The following GCNT2 variants were observed in gnomAD, a reference collection of about 807,000 sequenced individuals.
GCNT2 encodes glucosaminyl (N-acetyl) transferase 2 (I blood group).
A neutral mutation model predicts 34.2 loss-of-function variants in GCNT2; 34 were observed. The ratio of observed to expected loss-of-function variants is 1.00; its 90% confidence interval spans 0.76 to 1.32. The LOEUF is 1.32. GCNT2 is among the 40% of genes most tolerant of loss of function. GCNT2 has a pLI of 0.00. For missense variants in GCNT2, 584 were observed against 489.4 expected (o/e 1.19, Z -1.82); for synonymous variants, 212 against 188.0 (o/e 1.13, Z -1.04).
At chr6:10,549,561 C>CTTTTTTTTTTTT (rs1425642393) in intron 3 of GCNT2, among the ~76,000 whole-genome samples, 4 of 111,298 alleles carry the variant, frequency 3.6e-5, no homozygotes, top group African/African-American at 1.7e-4. Context: ...CAATCTCTCT[C>CTTTTTTTTTTTT]TCTTTTTTTT....
intron 3 of GCNT2, among the ~76,000 whole-genome samples, chr6:10,549,867 T>A (rs1762414497): frequency 6.6e-6 from 1 of 152,150 alleles, no homozygotes; most frequent in Non-Finnish European, 1.5e-5. Flanking sequence ...GAGATGGTGT[T>A]TGGGAGATGA....
chr6:10,629,196 G>A lies in GCNT2; in HGVS notation c.*2589G>A, dbSNP rs1482426397. ...TGGAATTGATGTTTACATGTCTGTT[G>A]TTGGTCATCTCTCCTGTGTCTTAAA... On this transcript the variant is annotated 3_prime_UTR_variant, in exon 5 of 5. Coordinates refer to ENST00000495262, the MANE Select transcript of GCNT2 (RefSeq NM_145649.5). 1 of 152,610 alleles carries A rather than the reference G, an allele frequency of 6.6e-6. No homozygotes were observed. Among genetic ancestry groups the A allele is most frequent in the Admixed American group, 6.5e-5 (1 of 15,272 alleles). 9.5% of individuals were successfully genotyped at this position (152,610 alleles called of 1,614,324 possible).
At chr6:10,556,085 A>G (rs749677628) in intron 3 of GCNT2, 2 of 1,203,128 alleles carry the variant, frequency 1.7e-6, no homozygotes, top group African/African-American at 3.1e-5. Context: ...ATGGGAAACT[A>G]AATCTGCCGG....
At chr6:10,529,887 A>G (rs1347873927) in intron 3 of GCNT2, 51 bp downstream of exon 3, 5 of 1,361,060 alleles carry the variant, frequency 3.7e-6, no homozygotes, top group East Asian at 2.3e-5. Context: ...TGCATGGTCA[A>G]TACTAAATAA....
intron 3 of GCNT2, chr6:10,557,052 G>GA: frequency 1.2e-6 from 2 of 1,610,856 alleles, no homozygotes; most frequent in Non-Finnish European, 1.7e-6. Flanking sequence ...GGATTTAAAG[G>GA]TAAAAATATC....
chr6:10,553,446 C>T (rs1323455727), intron 3 of GCNT2, among the ~76,000 whole-genome samples: 1 of 152,188 alleles, frequency 6.6e-6, no homozygotes, highest in Non-Finnish European at 1.5e-5. Flanking sequence ...CATGGGAAGC[C>T]AAGAGATGCT....
At chr6:10,622,610 T>A (rs866045390) in intron 4 of GCNT2, among the ~76,000 whole-genome samples, 94 of 152,136 alleles carry the variant, frequency 6.2e-4, no homozygotes, top group African/African-American at 2.3e-3. Context: ...AACAATTCAG[T>A]CCATAATATG....
At chr6:10,523,474 ATTAC>A (rs1296128062) in intron 1 of GCNT2, among the ~76,000 whole-genome samples, 1 of 150,702 alleles carries the variant, frequency 6.6e-6, no homozygotes, top group Non-Finnish European at 1.5e-5. Context: ...ATAGTTTCCT[ATTAC>A]TTTTTTTCCC....
chr6:10,576,221 A>G (rs114967908), intron 3 of GCNT2, among the ~76,000 whole-genome samples: 158 of 152,314 alleles, frequency 1.0e-3, no homozygotes, highest in African/African-American at 3.5e-3. Flanking sequence ...CGTGACATGA[A>G]GAGTTGTAGG....
chr6:10,549,691 T>G (rs1762409505), intron 3 of GCNT2, among the ~76,000 whole-genome samples: 1 of 150,560 alleles, frequency 6.6e-6, no homozygotes, highest in South Asian at 2.1e-4. Context: ...CCTGCCTCAG[T>G]CTCCCCAGTA....
rs567929930 is a variant in GCNT2 at position 10,581,824 on chromosome 6, C to G, written c.926-39527C>G. Reference sequence around the variant, plus strand: ...CCCTTCTGTTCTCCACAAGACCTGCCAAGGACAAATTTTACAGAAAAGGGT... The same window carrying G: ...CCCTTCTGTTCTCCACAAGACCTGCGAAGGACAAATTTTACAGAAAAGGGT... On this transcript the variant is annotated intron_variant, in intron 3 of 4. Transcript: ENST00000495262. 5 of 984,678 alleles carry G rather than the reference C, an allele frequency of 5.1e-6. No homozygotes were observed. In the South Asian group the frequency reaches 1.9e-4, roughly 37 times the overall value. The allele number at this position is 984,678 out of a possible 1,614,324, so 61.0% of individuals were successfully genotyped here.
At chr6:10,534,045 C>G (rs1480535795) in intron 3 of GCNT2, among the ~76,000 whole-genome samples, 1 of 151,608 alleles carries the variant, frequency 6.6e-6, no homozygotes, top group Non-Finnish European at 1.5e-5. Flanking sequence ...AAATTCTTGC[C>G]TGTGCTTCAG....
chr6:10,568,597 A>G (rs1463354021), intron 3 of GCNT2, among the ~76,000 whole-genome samples: 1 of 152,158 alleles, frequency 6.6e-6, no homozygotes. Context: ...TCTCAATTCC[A>G]AAAGCTTCAG....
intron 3 of GCNT2, among the ~76,000 whole-genome samples, chr6:10,567,023 T>A (rs1347626908): frequency 2.6e-5 from 4 of 152,144 alleles, no homozygotes; most frequent in Non-Finnish European, 4.4e-5. Flanking sequence ...GAAACAACCA[T>A]CTGGACCAAG....
At chr6:10,539,882 A>G (rs892925024) in intron 3 of GCNT2, among the ~76,000 whole-genome samples, 3 of 152,216 alleles carry the variant, frequency 2.0e-5, no homozygotes, top group Non-Finnish European at 4.4e-5. Flanking sequence ...GCTTGAGACC[A>G]GCCTAGGCAA....
chr6:10,537,722 A>AAAAAC lies in GCNT2; in HGVS notation c.925+7895_925+7899dup, dbSNP rs1561784297. Among the ~76,000 whole-genome samples, 166 of 142,186 alleles carry AAAAAC rather than the reference A, an allele frequency of 1.2e-3. 1 individual carries two copies. The highest frequency in any genetic ancestry group is 4.1e-3 in the African/African-American group (155 of 37,604). The allele number at this position is 142,186 out of a possible 152,430, so 93.3% of individuals were successfully genotyped here. ...GCAAAAAAAAAAAAAAAAAAAAAAA[A>AAAAAC]AAAACAAAACAAAGAAAACGAAAGA... is the stretch of plus-strand genomic sequence containing the variant. On this transcript the variant is annotated intron_variant, in intron 3 of 4. Transcript: ENST00000495262.
intron 3 of GCNT2, among the ~76,000 whole-genome samples, chr6:10,585,392 A>G (rs1206213326): frequency 6.6e-6 from 1 of 152,100 alleles, no homozygotes; most frequent in Non-Finnish European, 1.5e-5. Context: ...AGAGGTACAG[A>G]TAACACTAAA....
At chr6:10,549,077 A>AC (rs1762379953) in intron 3 of GCNT2, among the ~76,000 whole-genome samples, 1 of 152,156 alleles carries the variant, frequency 6.6e-6, no homozygotes, top group African/African-American at 2.4e-5. Context: ...TTTGGTTGTC[A>AC]GAGGTTGAGG....
chr6:10,555,746 T>G, intron 3 of GCNT2: 2 of 985,188 alleles, frequency 2.0e-6, no homozygotes, highest in Non-Finnish European at 2.4e-6. Flanking sequence ...AACAGTGGGG[T>G]GGGGCCAAAA....
Sources: allele counts gnomAD v4.1 joint callset (sites outside exome capture counted in the v4.1 genomes callset), GRCh38; gene constraint gnomAD v4.1.1; transcripts MANE v1.5; gene names NCBI Gene and HGNC (gene_info 2026-07-23, HGNC 2026-07-21).